The following CACNB1 variants were observed in gnomAD, a reference collection of about 807,000 sequenced individuals.
CACNB1 encodes calcium voltage-gated channel auxiliary subunit beta 1.
In CACNB1, 29 loss-of-function variants were observed where a neutral mutation model predicts 71.6. The ratio of observed to expected loss-of-function variants is 0.40; its 90% confidence interval spans 0.30 to 0.55. The LOEUF is 0.55. CACNB1 is among the 20% of genes least tolerant of loss of function. The pLI, the probability that CACNB1 is intolerant of heterozygous loss-of-function variation, is 0.38. For missense variants in CACNB1, 623 were observed against 801.8 expected (o/e 0.78, Z 2.69); for synonymous variants, 300 against 319.6 (o/e 0.94, Z 0.65).
Position 39,174,424 on chromosome 17 carries a change from G to T in CACNB1, c.*769C>A, listed in dbSNP as rs2045527131. ...CAGGGATGGGGGGCTCAGATGCAGA[G>T]GGGCCCCCTCTACTAATGGCAGCAG... On this transcript the variant is annotated 3_prime_UTR_variant, in exon 14 of 14. Coordinates refer to ENST00000394303, the MANE Select transcript of CACNB1 (RefSeq NM_000723.5). The T allele has an allele frequency of 6.5e-6, 1 of 152,850 alleles. No individual in the cohort carries two copies. The highest frequency in any genetic ancestry group is 1.5e-5 in the Non-Finnish European group (1 of 68,222). 9.5% of individuals were successfully genotyped at this position (152,850 alleles called of 1,614,324 possible). A position where few individuals can be genotyped will look rare whatever the true frequency, so the allele number is the denominator to read the frequency against.
chr17:39,193,665 G>T (rs1389071436), intron 2 of CACNB1: 7 of 235,972 alleles, frequency 3.0e-5, no homozygotes, highest in Non-Finnish European at 5.2e-5. Context: ...CAGAGCTGGG[G>T]AGCTAAAAGG....
chr17:39,189,460 T>C (rs890139260), intron 3 of CACNB1, among the ~76,000 whole-genome samples: 4 of 152,138 alleles, frequency 2.6e-5, no homozygotes, highest in Middle Eastern at 3.4e-3. Flanking sequence ...GGAAGGAGTC[T>C]GAGACCAGCC....
chr17:39,180,216 C>T (rs551556748), intron 11 of CACNB1, among the ~76,000 whole-genome samples: 148 of 151,142 alleles, frequency 9.8e-4, no homozygotes, highest in African/African-American at 3.3e-3. Context: ...CAGCCAAGAT[C>T]GCATCACTGC....
At chr17:39,185,219 G>A (rs2045904907) in intron 6 of CACNB1, 69 bp from the exon 7 acceptor site, 1 of 1,220,658 alleles carries the variant, frequency 8.2e-7, no homozygotes, top group Middle Eastern at 1.9e-4. Flanking sequence ...CAGGGGCAGA[G>A]GGCAAGGCAG....
At chr17:39,184,269 C>T (rs1466135775) in intron 9 of CACNB1, 56 bp downstream of exon 9, 3 of 1,322,552 alleles carry the variant, frequency 2.3e-6, no homozygotes, top group Non-Finnish European at 3.2e-6. Context: ...GCATCCTGCC[C>T]ATCCCCAGCA....
At chr17:39,184,663 C>A in intron 8 of CACNB1, 121 bp downstream of exon 8, 1 of 751,896 alleles carries the variant, frequency 1.3e-6, no homozygotes, top group Admixed American at 2.2e-5. Context: ...GGGGTTGTCT[C>A]TGAAAGTCTG....
Position 39,186,101 on chromosome 17 carries a change from T to C in CACNB1, c.628+395A>G. 6.2e-7 allele frequency: 1 copy of C among 1,613,598 alleles called. No individual in the cohort carries two copies. The highest frequency in any genetic ancestry group is 8.5e-7 in the Non-Finnish European group (1 of 1,179,760). Reference sequence around the variant, plus strand: ...TTCAAAGGCTAAGTTAGTCATTTCATTACCTGGACCGGAGAGTCAGGAGAG... The same window carrying C: ...TTCAAAGGCTAAGTTAGTCATTTCACTACCTGGACCGGAGAGTCAGGAGAG... On this transcript the variant is annotated intron_variant, in intron 6 of 13. Transcript: ENST00000394303. The surrounding 1 kb of genome is among the most constrained non-coding windows in gnomAD (Gnocchi z 4.1).
In CACNB1 at chr17:39,175,828, C is replaced by G. The variant is rs1032925388; in HGVS notation, c.1333-171G>C. On this transcript the variant is annotated intron_variant, in intron 13 of 13. Transcript: ENST00000394303. This position sits in a 1 kb window ranked among gnomAD's most constrained non-coding sequence, Gnocchi z 4.7. ...ACGGCTCTGGAGCCCAGCCAGAGGA[C>G]AGACCTCAGGGCATTTGCTCCTCTC... 1.3e-5 allele frequency among the ~76,000 whole-genome samples: 2 copies of G among 152,182 alleles called. No individual in the cohort carries two copies. Among genetic ancestry groups the G allele is most frequent in the African/African-American group, 2.4e-5 (1 of 41,444 alleles).
chr17:39,176,669 G>A (rs1018089310), intron 13 of CACNB1, among the ~76,000 whole-genome samples: 3 of 152,180 alleles, frequency 2.0e-5, no homozygotes, highest in Admixed American at 6.5e-5. Flanking sequence ...TGATTTCATG[G>A]GTTTCTTCTG....
chr17:39,178,548 T>A (rs961254710), intron 11 of CACNB1, among the ~76,000 whole-genome samples: 2 of 151,912 alleles, frequency 1.3e-5, no homozygotes, highest in African/African-American at 4.8e-5. Flanking sequence ...CCCCACTAAT[T>A]TTTTTTAATT....
At position 39,184,858 on chromosome 17, in the gene CACNB1, G is replaced by T; in HGVS notation, c.655C>A (p.His219Asn). 6.8e-7 allele frequency: 1 copy of T among 1,466,960 alleles called. No individual in the cohort carries two copies. The highest frequency in any genetic ancestry group is 9.6e-7 in the Non-Finnish European group (1 of 1,046,266). The allele number at this position is 1,466,960 out of a possible 1,614,324, so 90.9% of individuals were successfully genotyped here. A position where few individuals can be genotyped will look rare whatever the true frequency, so the allele number is the denominator to read the frequency against. The change falls in exon 8 of 14, where the codon CAT becomes AAT. Residue 219 changes from histidine to asparagine, a missense_variant. By Grantham distance (68) the His-to-Asn change is moderately conservative (BLOSUM62 1). Coordinates refer to ENST00000394303, the MANE Select transcript of CACNB1 (RefSeq NM_000723.5). Reference sequence around the variant, plus strand: ...GGCACCACGTCATAGGGGGGCACATGCTCTGTCTGGGGGGGGAAGCAGGGA... The same window carrying T: ...GGCACCACGTCATAGGGGGGCACATTCTCTGTCTGGGGGGGGAAGCAGGGA... ...SAKQKQKSTE[H>N]VPPYDVVPSM...
chr17:39,177,262 G>A, intron 13 of CACNB1, 88 bp downstream of exon 13: 2 of 1,601,994 alleles, frequency 1.2e-6, no homozygotes, highest in Non-Finnish European at 1.7e-6. Context: ...GCATGTTCCT[G>A]CTCCTGGGGC....
Position 39,194,354 on chromosome 17 carries a change from C to A in CACNB1, c.171+530G>T, listed in dbSNP as rs572838892. On this transcript the variant is annotated intron_variant, in intron 2 of 13. Coordinates refer to ENST00000394303, the MANE Select transcript of CACNB1 (RefSeq NM_000723.5). The surrounding 1 kb of genome is among the most constrained non-coding windows in gnomAD (Gnocchi z 4.6). ...TTCTCTATTATAAAATCAACAGCCT[C>A]ATGCCTCAACCACCCCCACCCCCGT... Among the ~76,000 whole-genome samples the A allele has an allele frequency of 6.6e-6, 1 of 152,262 alleles. No individual in the cohort carries two copies. Among genetic ancestry groups the A allele is most frequent in the Admixed American group, 6.5e-5 (1 of 15,292 alleles).
At position 39,173,637 on chromosome 17, in the gene CACNB1, G is replaced by C. The variant is rs2045512076; in HGVS notation, c.*1556C>G. 6.6e-6 allele frequency: 1 copy of C among 152,330 alleles called. No homozygotes were observed. The highest frequency in any genetic ancestry group is 6.5e-5 in the Admixed American group (1 of 15,276). The allele number at this position is 152,330 out of a possible 1,614,324, so 9.4% of individuals were successfully genotyped here. On this transcript the variant is annotated 3_prime_UTR_variant, in exon 14 of 14. Transcript: ENST00000394303. ...CTCCTGGCTTGGGCACAATACATCA[G>C]AGGGCCAAAATCAAAGGATCATCTT...
chr17:39,175,360 G>T lies in CACNB1; in HGVS notation c.1630C>A (p.Arg544=), dbSNP rs759787986. The change falls in exon 14 of 14, where the codon CGA becomes AGA. Residue 544 remains arginine (R), a synonymous_variant. Coordinates refer to ENST00000394303, the MANE Select transcript of CACNB1 (RefSeq NM_000723.5). This position sits in a 1 kb window ranked among gnomAD's most constrained non-coding sequence, Gnocchi z 4.7. ...DPAGGGTPPA[R]QGSWEDEEED... is the part of the protein sequence containing the mutation. ...TCCTCGTCCTCCCAGGATCCCTGTCGGGCTGGGGGCGTGCCGCCCCCTGCA... is the reference window on the plus strand; with the variant it reads ...TCCTCGTCCTCCCAGGATCCCTGTCTGGCTGGGGGCGTGCCGCCCCCTGCA... 6.2e-6 allele frequency: 10 copies of T among 1,613,928 alleles called. No homozygotes were observed. The highest frequency in any genetic ancestry group is 8.5e-6 in the Non-Finnish European group (10 of 1,180,018).
chr17:39,184,126 C>T lies in CACNB1; in HGVS notation c.803G>A (p.Arg268His), dbSNP rs1318647662. ...AGCCAGGGAAATATCTGCCGTCACACGAGTGATGGAGATCCTGGGGAATGG... is the reference window on the plus strand; with the variant it reads ...AGCCAGGGAAATATCTGCCGTCACATGAGTGATGGAGATCCTGGGGAATGG... The part of the protein sequence containing the change: ...HRFDGRISIT[R>H]VTADISLAKR... The change falls in exon 10 of 14, where the codon CGT (arginine) becomes CAT (histidine). Residue 268 changes from arginine (R) to histidine (H), a missense_variant. By Grantham distance (29) the Arg-to-His change is conservative. Coordinates refer to ENST00000394303, the MANE Select transcript of CACNB1 (RefSeq NM_000723.5). 6.2e-7 allele frequency: 1 copy of T among 1,610,930 alleles called. No individual in the cohort carries two copies.
At chr17:39,188,125 A>G (rs1239736760) in intron 3 of CACNB1, among the ~76,000 whole-genome samples, 3 of 152,028 alleles carry the variant, frequency 2.0e-5, no homozygotes, top group African/African-American at 7.3e-5. Flanking sequence ...TACTAAAAAT[A>G]CAAAAAAATT....
At chr17:39,185,081 A>G (rs1402671107) in intron 7 of CACNB1, 50 bp downstream of exon 7, 3 of 1,566,244 alleles carry the variant, frequency 1.9e-6, no homozygotes, top group Non-Finnish European at 2.6e-6. Context: ...AGGTCCCCCT[A>G]GCTCATCCCA....
intron 11 of CACNB1, among the ~76,000 whole-genome samples, chr17:39,182,578 T>G (rs1225906149): frequency 2.0e-5 from 3 of 151,222 alleles, no homozygotes; most frequent in Non-Finnish European, 4.4e-5. Flanking sequence ...GGTACACTCC[T>G]GTAGTCCCAG....
Sources: allele counts gnomAD v4.1 joint callset (sites outside exome capture counted in the v4.1 genomes callset), GRCh38; gene constraint gnomAD v4.1.1; non-coding constraint Gnocchi (gnomAD v3.1); transcripts MANE v1.5; gene names NCBI Gene and HGNC (gene_info 2026-07-23, HGNC 2026-07-21).